Variants in CDKAL1 observed in about 807,000 individuals in gnomAD.
CDKAL1 encodes the protein CDKAL1 threonylcarbamoyladenosine tRNA methylthiotransferase, also known as threonylcarbamoyladenosine tRNA methylthiotransferase.
A neutral mutation model predicts 68.2 loss-of-function variants in CDKAL1; 32 were observed. The ratio of observed to expected loss-of-function variants is 0.47; its 90% confidence interval spans 0.35 to 0.63. The LOEUF is 0.63. Ranked by LOEUF, CDKAL1 falls within the 30% of genes least tolerant of loss-of-function variation. The probability of loss-of-function intolerance (pLI) is 0.00; values close to 1 mark genes in which losing one functional copy is unlikely to be tolerated. For synonymous variants in CDKAL1, 234 were observed against 244.3 expected (o/e 0.96, Z 0.39); for missense variants, 606 against 696.7 (o/e 0.87, Z 1.47).
At chr6:20,610,299 A>G (rs1414627471) in intron 4 of CDKAL1, among the ~76,000 whole-genome samples, 1 of 152,158 alleles carries the variant, frequency 6.6e-6, no homozygotes. Flanking sequence ...CTGCCCAGTA[A>G]TGGGATTGCT....
intron 4 of CDKAL1, among the ~76,000 whole-genome samples, chr6:20,593,096 T>G (rs1477213867): frequency 6.6e-6 from 1 of 152,226 alleles, no homozygotes; most frequent in Non-Finnish European, 1.5e-5. Context: ...GATTTTTGCA[T>G]CAATGTTCAT....
chr6:20,823,960 C>T (rs1256003596), intron 8 of CDKAL1, among the ~76,000 whole-genome samples: 2 of 152,030 alleles, frequency 1.3e-5, no homozygotes. Flanking sequence ...ATGCTCCAGT[C>T]ACAACCACCA....
rs190366250 is a variant in CDKAL1 at position 21,172,661 on chromosome 6, G to A, written c.1300-25360G>A. Among the ~76,000 whole-genome samples the A allele has an allele frequency of 5.3e-5, 8 of 152,308 alleles. No homozygotes were observed. In the East Asian group the frequency reaches 1.2e-3, roughly 22 times the overall value. On this transcript the variant is annotated intron_variant, in intron 13 of 15. Transcript: ENST00000274695. ...AGTCCCAGCTACTCAGAAGGCTGAG[G>A]GGGGAGGATCGCTTCAGCCCAGGAT...
intron 15 of CDKAL1, among the ~76,000 whole-genome samples, chr6:21,209,219 T>C (rs959274893): frequency 1.3e-5 from 2 of 151,346 alleles, no homozygotes; most frequent in Non-Finnish European, 2.9e-5. Context: ...CACACCCACA[T>C]AGAGGCATCA....
At chr6:21,009,586 C>T (rs942876756) in intron 11 of CDKAL1, among the ~76,000 whole-genome samples, 2 of 152,234 alleles carry the variant, frequency 1.3e-5, no homozygotes, top group East Asian at 1.9e-4. Context: ...GCCCAATAGC[C>T]AAGATAAGGA....
intron 10 of CDKAL1, among the ~76,000 whole-genome samples, chr6:20,957,008 T>TAAAAAAAA (rs70990087): frequency 3.0e-4 from 34 of 113,764 alleles, no homozygotes; most frequent in African/African-American, 5.2e-4. Context: ...TGATTCTCTG[T>TAAAAAAAA]AAAAAAAAAA....
chr6:20,742,784 C>T (rs937583611), intron 6 of CDKAL1, among the ~76,000 whole-genome samples: 1 of 151,836 alleles, frequency 6.6e-6, no homozygotes, highest in Admixed American at 6.6e-5. Flanking sequence ...TGTTTACCAG[C>T]ATTACATATT....
intron 9 of CDKAL1, among the ~76,000 whole-genome samples, chr6:20,878,663 T>C (rs1760657594): frequency 6.6e-6 from 1 of 150,488 alleles, no homozygotes; most frequent in Admixed American, 6.6e-5. Context: ...ACTCGGGGAG[T>C]GGGCGGAGGT....
intron 11 of CDKAL1, among the ~76,000 whole-genome samples, chr6:21,019,694 C>T (rs551471296): frequency 1.3e-5 from 2 of 152,062 alleles, no homozygotes; most frequent in South Asian, 4.2e-4. Flanking sequence ...CCGTGATTTC[C>T]GAAATTTTTT....
intron 11 of CDKAL1, among the ~76,000 whole-genome samples, chr6:21,033,530 A>C (rs77161234): frequency 1.3e-5 from 2 of 152,086 alleles, no homozygotes; most frequent in Non-Finnish European, 2.9e-5. Flanking sequence ...CCTGGAGAGG[A>C]GGATGGGAAG....
chr6:21,128,553 CTT>C (rs1473647383), intron 13 of CDKAL1, among the ~76,000 whole-genome samples: 1 of 152,168 alleles, frequency 6.6e-6, no homozygotes, highest in African/African-American at 2.4e-5. Context: ...CTTAAAACCT[CTT>C]TTGTTTTCAT....
chr6:20,586,904 G>T (rs1415261025), intron 4 of CDKAL1, among the ~76,000 whole-genome samples: 1 of 148,526 alleles, frequency 6.7e-6, no homozygotes, highest in Non-Finnish European at 1.5e-5. Flanking sequence ...TCATTTTCTT[G>T]CTCTTCTTTG....
In CDKAL1 at chr6:20,735,667, A is replaced by C. The variant is rs117960861; in HGVS notation, c.372-3852A>C. 2.4e-3 allele frequency among the ~76,000 whole-genome samples: 366 copies of C among 152,310 alleles called. 12 individuals carry two copies. The East Asian group carries it at 0.064, about 27-fold the overall frequency. ...TTTCTTTGAATTTTTTGGTGTTCTT[A>C]TTCCCTTAAAATAAGCTTTCGCCTA... On this transcript the variant is annotated intron_variant, in intron 5 of 15. Transcript: ENST00000274695.
chr6:20,954,222 G>A (rs1581905867), intron 9 of CDKAL1, among the ~76,000 whole-genome samples: 2 of 152,088 alleles, frequency 1.3e-5, no homozygotes, highest in Admixed American at 6.6e-5. Context: ...TAAGAGGAGC[G>A]AAGATCTTTA....
chr6:21,000,815 T>G (rs1767389386), intron 11 of CDKAL1, among the ~76,000 whole-genome samples: 1 of 152,234 alleles, frequency 6.6e-6, no homozygotes, highest in African/African-American at 2.4e-5. Flanking sequence ...CTGGAATGTC[T>G]ATGCTTTTAC....
intron 6 of CDKAL1, chr6:20,756,335 C>G (rs1041262529): frequency 1.3e-5 from 2 of 152,212 alleles, no homozygotes; most frequent in African/African-American, 4.8e-5. Context: ...CAAATTAACT[C>G]TCTCTGTTTT....
At position 20,857,922 on chromosome 6, in the gene CDKAL1, C is replaced by T. The variant is rs1039947253; in HGVS notation, c.742+11744C>T. On this transcript the variant is annotated intron_variant, in intron 9 of 15. Coordinates refer to ENST00000274695, the MANE Select transcript of CDKAL1 (RefSeq NM_017774.3). ...TCGCCCAGGCTGGAGTGCAGTGGCG[C>T]GATCTTGGCTCACTGCAACCTCTTC... is the stretch of plus-strand genomic sequence containing the variant. Among the ~76,000 whole-genome samples, 2 of 152,108 alleles carry T rather than the reference C, an allele frequency of 1.3e-5. 1 individual carries two copies. The highest frequency in any genetic ancestry group is 2.9e-5 in the Non-Finnish European group (2 of 68,010).
chr6:20,644,630 A>C (rs1021322747), intron 4 of CDKAL1, among the ~76,000 whole-genome samples: 1 of 152,198 alleles, frequency 6.6e-6, no homozygotes, highest in African/African-American at 2.4e-5. Context: ...CAGTGAGCCG[A>C]GATCTCTAGC....
chr6:20,693,016 G>A (rs1004527417), intron 5 of CDKAL1, among the ~76,000 whole-genome samples: 3 of 151,252 alleles, frequency 2.0e-5, no homozygotes, highest in Non-Finnish European at 4.4e-5. Context: ...AATAGTCCCA[G>A]CTACTCGGGA....
Sources: allele counts gnomAD v4.1 joint callset (sites outside exome capture counted in the v4.1 genomes callset), GRCh38; gene constraint gnomAD v4.1.1; transcripts MANE v1.5; gene names NCBI Gene and HGNC (gene_info 2026-07-23, HGNC 2026-07-21).